CALCOCO2: variants seen among roughly 807,000 people sequenced by gnomAD.
CALCOCO2 encodes calcium-binding and coiled-coil domain-containing protein 2.
Under a neutral mutation model 62.5 loss-of-function variants are expected in CALCOCO2, and 42 were observed. The ratio of observed to expected loss-of-function variants is 0.67; its 90% CI spans 0.53 to 0.87. The LOEUF is 0.87. Ranked by LOEUF, CALCOCO2 falls within the 40% of genes least tolerant of loss-of-function variation. The probability of loss-of-function intolerance (pLI) is 0.00; values close to 1 mark genes in which losing one functional copy is unlikely to be tolerated. For synonymous variants in CALCOCO2, 167 were observed against 173.0 expected (o/e 0.97, Z 0.27); for missense variants, 456 against 515.0 (o/e 0.89, Z 1.11).
At chr17:48,861,429 C>A (rs374789360) in intron 11 of CALCOCO2, among the ~76,000 whole-genome samples, 9 of 151,858 alleles carry the variant, frequency 5.9e-5, no homozygotes, top group African/African-American at 2.2e-4. Context: ...TTGCCCAGGC[C>A]GGTTTCGAAC....
chr17:48,853,236 C>T (rs2143640034), intron 9 of CALCOCO2: 1 of 471,696 alleles, frequency 2.1e-6, no homozygotes, highest in Admixed American at 3.3e-5. Flanking sequence ...GCAAGTTAAA[C>T]TTCATGACAA....
intron 1 of CALCOCO2, among the ~76,000 whole-genome samples, chr17:48,839,005 CTT>C (rs560816686): frequency 6.9e-6 from 1 of 145,160 alleles, no homozygotes. Context: ...CACTTTGTTT[CTT>C]TTTTTTTTTT....
intron 9 of CALCOCO2, among the ~76,000 whole-genome samples, chr17:48,854,425 T>TTTTTTA (rs2040181884): frequency 1.0e-5 from 1 of 99,220 alleles, no homozygotes; most frequent in Non-Finnish European, 2.0e-5. Flanking sequence ...TTTTTTTTTT[T>TTTTTTA]GAGACAGTCT....
rs374827475 is a variant in CALCOCO2 at position 48,851,540 on chromosome 17, G to T, written c.633-19G>T. ...CTGGAATCAGTGAATTTTTCACATA[G>T]TTATCTCCACCTCTACAGACTGAAA... On this transcript the variant is annotated intron_variant, in intron 6 of 12. Transcript: ENST00000258947. 4 of 1,485,744 alleles carry T rather than the reference G, an allele frequency of 2.7e-6. No homozygotes were observed. Among genetic ancestry groups the T allele is most frequent in the Non-Finnish European group, 3.8e-6 (4 of 1,062,740 alleles). The allele number at this position is 1,485,744 out of a possible 1,614,324, so 92.0% of individuals were successfully genotyped here. A position where few individuals can be genotyped will look rare whatever the true frequency, so the allele number is the denominator to read the frequency against.
intron 10 of CALCOCO2, among the ~76,000 whole-genome samples, chr17:48,859,604 A>G (rs2143677038): frequency 6.6e-6 from 1 of 152,270 alleles, no homozygotes; most frequent in Non-Finnish European, 1.5e-5. Flanking sequence ...CTGTCTCTAA[A>G]AAAAACAAAT....
intron 2 of CALCOCO2, among the ~76,000 whole-genome samples, chr17:48,844,677 G>A (rs778506781): frequency 2.6e-5 from 4 of 151,918 alleles, no homozygotes; most frequent in Non-Finnish European, 2.9e-5. Flanking sequence ...ACCACCATGC[G>A]CAGCTAATTT....
chr17:48,856,089 C>T lies in CALCOCO2; in HGVS notation c.913-3C>T, dbSNP rs765852493. 4.0e-6 allele frequency: 6 copies of T among 1,516,824 alleles called. No individual in the cohort carries two copies. The South Asian group carries it at 6.9e-5, about 17-fold the overall frequency. 94.0% of individuals were successfully genotyped at this position (1,516,824 alleles called of 1,614,324 possible). A position where few individuals can be genotyped will look rare whatever the true frequency, so the allele number is the denominator to read the frequency against. On this transcript the variant is annotated splice_polypyrimidine_tract_variant and splice_region_variant and intron_variant, in intron 9 of 12. Coordinates refer to ENST00000258947, the MANE Select transcript of CALCOCO2 (RefSeq NM_005831.5). ...TAATCCTAATTTTTTTTATTGTTGA[C>T]AGGATGAAAACTTTGACCTGTCAAA...
Position 48,860,431 on chromosome 17 carries a change from T to C in CALCOCO2, c.1126T>C (p.Tyr376His), listed in dbSNP as rs2040311276. ...CGCAAGACAAAATCCAGGACTTGCCTATGGAAACCCATATTCTGGTAAGAC... is the reference window on the plus strand; with the variant it reads ...CGCAAGACAAAATCCAGGACTTGCCCATGGAAACCCATATTCTGGTAAGAC... ...GGARQNPGLA[Y>H]GNPYSGIQES... Residue 376 changes from tyrosine (Y) to histidine (H), a missense_variant, in exon 11 of 13, where the codon TAT (tyrosine) becomes CAT (histidine). Coordinates refer to ENST00000258947, the MANE Select transcript of CALCOCO2 (RefSeq NM_005831.5). The C allele has an allele frequency of 1.2e-6, 2 of 1,613,996 alleles. No individual in the cohort carries two copies. The highest frequency in any genetic ancestry group is 2.7e-5 in the African/African-American group (2 of 74,942).
At chr17:48,854,396 A>ATATATATATATATATATCTTTTTT (rs1567757320) in intron 9 of CALCOCO2, among the ~76,000 whole-genome samples, 1 of 1,910 alleles carries the variant, frequency 5.2e-4, no homozygotes, top group Non-Finnish European at 2.0e-3. Flanking sequence ...ATATATATAT[A>ATATATATATATATATATCTTTTTT]TTTTTTTTTT....
chr17:48,858,000 A>ATAGC (rs1431561257), intron 10 of CALCOCO2, among the ~76,000 whole-genome samples: 1 of 22,318 alleles, frequency 4.5e-5, no homozygotes, highest in Non-Finnish European at 1.1e-4. Flanking sequence ...AATAGAATAG[A>ATAGC]ATAGAATAGA....
Position 48,852,599 on chromosome 17 carries a change from G to C in CALCOCO2, c.796G>C (p.Asp266His). ...GTTAGAGCAGCTGAAAAAGGAAAAT[G>C]ACCACCTCTTTCTCAGTTTAACTGA... ...EQLEQLKKEN[D>H]HLFLSLTEQR... is the part of the protein sequence containing the mutation. Residue 266 changes from aspartate to histidine, a missense_variant, in exon 8 of 13, where the codon GAC becomes CAC. Asp to His is a moderately conservative substitution (Grantham distance 81). Around this residue, in one of 3 missense-constraint regions of CALCOCO2, gnomAD observed 236 missense variants for 225.3 expected, o/e 1.05. Transcript: ENST00000258947. 6.2e-7 allele frequency: 1 copy of C among 1,613,484 alleles called. No individual in the cohort carries two copies. Among genetic ancestry groups the C allele is most frequent in the Non-Finnish European group, 8.5e-7 (1 of 1,179,472 alleles).
Position 48,860,429 on chromosome 17 carries a change from C to T in CALCOCO2, c.1124C>T (p.Ala375Val). 2 of 1,614,042 alleles carry T rather than the reference C, an allele frequency of 1.2e-6. No individual in the cohort carries two copies. Among genetic ancestry groups the T allele is most frequent in the Non-Finnish European group, 1.7e-6 (2 of 1,179,930 alleles). The change falls in exon 11 of 13, where the codon GCC becomes GTC. Residue 375 changes from alanine (A) to valine (V), a missense_variant. By Grantham distance (64) the Ala-to-Val change is moderately conservative. Around this residue, in one of 3 missense-constraint regions of CALCOCO2, gnomAD observed 172 missense variants for 210.3 expected, o/e 0.82. Coordinates refer to ENST00000258947, the MANE Select transcript of CALCOCO2 (RefSeq NM_005831.5). ...EGGARQNPGL[A>V]YGNPYSGIQE... is the part of the protein sequence containing the mutation. ...GGCGCAAGACAAAATCCAGGACTTGCCTATGGAAACCCATATTCTGGTAAG... is the reference window on the plus strand; with the variant it reads ...GGCGCAAGACAAAATCCAGGACTTGTCTATGGAAACCCATATTCTGGTAAG...
In CALCOCO2 at chr17:48,857,974, CAATAGAATAG is replaced by C. The variant is rs1555573799; in HGVS notation, c.1008+1850_1008+1859del. ...CCTGGCTGACAGAGCAAGACTACAT[CAATAGAATAG>C]AATAGAATAGAATAGAATAGAATAG... On this transcript the variant is annotated intron_variant, in intron 10 of 12. Transcript: ENST00000258947. Among the ~76,000 whole-genome samples the C allele has an allele frequency of 7.3e-3, 291 of 40,056 alleles. 6 individuals are homozygous for C. The highest frequency in any genetic ancestry group is 0.019 in the Middle Eastern group (1 of 54). 26.3% of individuals were successfully genotyped at this position (40,056 alleles called of 152,430 possible).
rs751043237 is a variant in CALCOCO2 at position 48,848,106 on chromosome 17, G to T, written c.223G>T (p.Val75Phe). 24 of 1,613,484 alleles carry T rather than the reference G, an allele frequency of 1.5e-5. No homozygotes were observed. The highest frequency in any genetic ancestry group is 1.9e-5 in the Non-Finnish European group (23 of 1,179,584). The change falls in exon 3 of 13, where the codon GTT becomes TTT. Residue 75 changes from valine (V) to phenylalanine (F), a missense_variant. Transcript: ENST00000258947. Reference protein sequence around the residue: ...TTREYYTFMWVTLPIDLNNKS... With the variant: ...TTREYYTFMWFTLPIDLNNKS... ...CCGTGAGTATTACACCTTCATGTGG[G>T]TTACTTTGCCCATTGACCTAAACAA...
At chr17:48,858,074 T>TAGAATAGAATAGAATAGAA (rs1287542653) in intron 10 of CALCOCO2, among the ~76,000 whole-genome samples, 25 of 145,158 alleles carry the variant, frequency 1.7e-4, no homozygotes, top group East Asian at 8.1e-4. Context: ...TAGAATAGAA[T>TAGAATAGAATAGAATAGAA]TTTACCATCT....
intron 1 of CALCOCO2, among the ~76,000 whole-genome samples, chr17:48,839,670 C>CTTTTTTTTTTTTTTTTTT (rs766846336): frequency 6.0e-5 from 4 of 66,170 alleles, no homozygotes; most frequent in Non-Finnish European, 8.1e-5. Flanking sequence ...CTTTGCTTTG[C>CTTTTTTTTTTTTTTTTTT]TTTTTTTTTT....
chr17:48,834,854 C>T (rs1355198187), intron 1 of CALCOCO2, among the ~76,000 whole-genome samples: 1 of 152,114 alleles, frequency 6.6e-6, no homozygotes, highest in Non-Finnish European at 1.5e-5. Context: ...TCAAGACCAG[C>T]CTGGGCAACA....
intron 1 of CALCOCO2, among the ~76,000 whole-genome samples, chr17:48,833,521 T>C (rs1158110176): frequency 2.1e-5 from 3 of 139,800 alleles, no homozygotes; most frequent in Admixed American, 1.5e-4. Flanking sequence ...CACTCCACCC[T>C]GGGCAACAGA....
At chr17:48,833,463 C>T (rs2039844695) in intron 1 of CALCOCO2, among the ~76,000 whole-genome samples, 1 of 151,198 alleles carries the variant, frequency 6.6e-6, no homozygotes, top group East Asian at 1.9e-4. Context: ...AGGAGAATCA[C>T]TTGAACCCAG....
Sources: allele counts gnomAD v4.1 joint callset (sites outside exome capture counted in the v4.1 genomes callset), GRCh38; gene constraint gnomAD v4.1.1; regional missense constraint gnomAD v4.1.1; transcripts MANE v1.5; gene names NCBI Gene and HGNC (gene_info 2026-07-23, HGNC 2026-07-21).